ZNF638: variants seen among roughly 807,000 people sequenced by gnomAD.
ZNF638 encodes zinc finger protein 638, also known as CTCL tumor antigen se33-1.
Under a neutral mutation model 195.6 loss-of-function variants are expected in ZNF638, and 46 were observed. The observed-to-expected ratio is 0.24, with a 90% CI of 0.19 to 0.30. ZNF638 has a LOEUF of 0.30. Ranked by LOEUF, ZNF638 falls within the 10% of genes least tolerant of loss-of-function variation. ZNF638 has a pLI of 1.00. For synonymous variants in ZNF638, 845 were observed against 772.0 expected (o/e 1.09, Z -1.57); for missense variants, 2,440 against 2,325.3 (o/e 1.05, Z -1.01).
chr2:71,361,116 C>G (rs1256544557), intron 3 of ZNF638, among the ~76,000 whole-genome samples: 1 of 152,132 alleles, frequency 6.6e-6, no homozygotes, highest in African/African-American at 2.4e-5. Flanking sequence ...TGAGTGCCAC[C>G]ACGCTCAGCT....
chr2:71,410,289 G>A (rs562592799), intron 20 of ZNF638, among the ~76,000 whole-genome samples: 2 of 152,070 alleles, frequency 1.3e-5, no homozygotes, highest in Non-Finnish European at 2.9e-5. Flanking sequence ...GGGCTTAAGC[G>A]ATCCTCTCAC....
intron 10 of ZNF638, chr2:71,393,498 C>T (rs2079830050): frequency 1.4e-6 from 1 of 717,966 alleles, no homozygotes; most frequent in Admixed American, 2.0e-5. Flanking sequence ...ACCCGCAGCT[C>T]CAGACAACAC....
intron 10 of ZNF638, among the ~76,000 whole-genome samples, chr2:71,382,474 G>A (rs1485548379): frequency 6.6e-6 from 1 of 152,180 alleles, no homozygotes; most frequent in African/African-American, 2.4e-5. Flanking sequence ...GACAGGAAGA[G>A]TTAATTAGAG....
chr2:71,430,425 A>G (rs1235933521), intron 25 of ZNF638, among the ~76,000 whole-genome samples: 1 of 152,156 alleles, frequency 6.6e-6, no homozygotes, highest in Non-Finnish European at 1.5e-5. Flanking sequence ...AGTGTGAGGA[A>G]TAAGAGTAAG....
chr2:71,395,202 T>C (rs959682201), intron 10 of ZNF638: 2 of 716,850 alleles, frequency 2.8e-6, no homozygotes, highest in Non-Finnish European at 5.2e-6. Context: ...AAAAAAATAT[T>C]ACTAATTATA....
intron 11 of ZNF638, among the ~76,000 whole-genome samples, chr2:71,396,623 C>G (rs1360410893): frequency 6.6e-6 from 1 of 152,276 alleles, no homozygotes; most frequent in Non-Finnish European, 1.5e-5. Context: ...AGGGTCATCT[C>G]TTTAAGTGGA....
intron 1 of ZNF638, among the ~76,000 whole-genome samples, chr2:71,334,045 G>T (rs566224037): frequency 3.8e-4 from 58 of 152,266 alleles, no homozygotes; most frequent in South Asian, 2.1e-3. Flanking sequence ...AATATTTTGT[G>T]CTTCTATAAA....
At chr2:71,332,125 G>T (rs1235921263) in intron 1 of ZNF638, among the ~76,000 whole-genome samples, 4 of 152,220 alleles carry the variant, frequency 2.6e-5, no homozygotes, top group Admixed American at 6.5e-5. Flanking sequence ...GCCCGTCCGG[G>T]TACTCGTGAA....
At position 71,418,378 on chromosome 2, in the gene ZNF638, T is replaced by C. The variant is rs928544798; in HGVS notation, c.3262-224T>C. 20 of 347,352 alleles carry C rather than the reference T, an allele frequency of 5.8e-5. No homozygotes were observed. The Middle Eastern group carries it at 3.8e-3, about 66-fold the overall frequency. 21.5% of individuals were successfully genotyped at this position (347,352 alleles called of 1,614,324 possible). On this transcript the variant is annotated intron_variant, in intron 20 of 27. Transcript: ENST00000264447. ...TTATATCATTATTAAGGAAACTTAT[T>C]TTTTCATTAATATAAGTTATTGTGT...
intron 7 of ZNF638, among the ~76,000 whole-genome samples, chr2:71,369,200 G>A (rs1158452128): frequency 6.6e-6 from 1 of 151,820 alleles, no homozygotes; most frequent in Non-Finnish European, 1.5e-5. Context: ...CCAGACATCT[G>A]TAATCCCACC....
In ZNF638 at chr2:71,348,861, G is replaced by C; in HGVS notation, c.-94G>C. On this transcript the variant is annotated 5_prime_UTR_variant, in exon 2 of 28. Transcript: ENST00000264447. ...CTCCTTTGCACTTTGCTCAGATTAAGACTCAGTTGGCGCTTCAGCAGCTGA... is the reference window on the plus strand; with the variant it reads ...CTCCTTTGCACTTTGCTCAGATTAACACTCAGTTGGCGCTTCAGCAGCTGA... The C allele has an allele frequency of 1.9e-6, 3 of 1,612,162 alleles. No homozygotes were observed. Among genetic ancestry groups the C allele is most frequent in the Non-Finnish European group, 2.5e-6 (3 of 1,179,834 alleles).
intron 2 of ZNF638, among the ~76,000 whole-genome samples, chr2:71,351,524 G>T (rs1449597674): frequency 1.3e-5 from 2 of 152,120 alleles, no homozygotes; most frequent in East Asian, 3.8e-4. Flanking sequence ...GTGTTTGTCT[G>T]TATTCTTGTG....
At chr2:71,381,491 G>A (rs1015655183) in intron 10 of ZNF638, among the ~76,000 whole-genome samples, 1 of 152,070 alleles carries the variant, frequency 6.6e-6, no homozygotes, top group African/African-American at 2.4e-5. Flanking sequence ...ATTATGTGAA[G>A]AGATAAAATG....
intron 1 of ZNF638, among the ~76,000 whole-genome samples, chr2:71,343,038 ATTG>A (rs1353421485): frequency 6.6e-6 from 1 of 152,244 alleles, no homozygotes; most frequent in Non-Finnish European, 1.5e-5. Flanking sequence ...TTAGTAAGAC[ATTG>A]TTATTTGAAA....
At chr2:71,424,479 A>G (rs976684774) in intron 22 of ZNF638, among the ~76,000 whole-genome samples, 171 bp from the exon 23 acceptor site, 2 of 152,192 alleles carry the variant, frequency 1.3e-5, no homozygotes, top group Non-Finnish European at 2.9e-5. Flanking sequence ...GACTGTGCCT[A>G]TACTGTTTAG....
At chr2:71,373,437 A>ATTTTTTTTTTTT (rs754117239) in intron 8 of ZNF638, among the ~76,000 whole-genome samples, 1 of 71,014 alleles carries the variant, frequency 1.4e-5, no homozygotes, top group African/African-American at 5.6e-5. Context: ...TCAAGTTTGA[A>ATTTTTTTTTTTT]TTTTTTTTTT....
intron 20 of ZNF638, among the ~76,000 whole-genome samples, chr2:71,416,959 A>C (rs940406029): frequency 6.6e-6 from 1 of 151,036 alleles, no homozygotes; most frequent in Non-Finnish European, 1.5e-5. Flanking sequence ...CCAGAGGTGG[A>C]GCCTACAGAG....
At chr2:71,408,323 C>T in intron 20 of ZNF638, 76 bp downstream of exon 20, 1 of 1,484,132 alleles carries the variant, frequency 6.7e-7, no homozygotes. Context: ...AGGTAGTAGT[C>T]AAACTGTTTC....
Position 71,376,081 on chromosome 2 carries a change from T to A in ZNF638, c.2266-4141T>A, listed in dbSNP as rs959452679. 37 of 152,218 alleles carry A rather than the reference T, an allele frequency of 2.4e-4. 1 individual carries two copies. Among genetic ancestry groups the A allele is most frequent in the Non-Finnish European group, 1.5e-5 (1 of 68,032 alleles). The allele number at this position is 152,218 out of a possible 1,614,324, so 9.4% of individuals were successfully genotyped here. On this transcript the variant is annotated intron_variant, in intron 8 of 27. Coordinates refer to ENST00000264447, the MANE Select transcript of ZNF638 (RefSeq NM_014497.5). ...TTTCAAATAGCTTAAAAAATTCTCT[T>A]GGCCAACTTTTTGATGAAGTTGGTA...
Sources: gnomAD v4.1 joint callset for allele counts (sites outside exome capture counted in the v4.1 genomes callset) on GRCh38, gnomAD v4.1.1 for gene constraint, MANE v1.5 for transcripts, NCBI Gene and HGNC (gene_info 2026-07-23, HGNC 2026-07-21) for gene names.